Variants in SAMD13 observed in about 807,000 individuals in gnomAD.
SAMD13 encodes the protein sterile alpha motif domain containing 13.
Under a neutral mutation model 12.4 loss-of-function variants are expected in SAMD13, and 9 were observed. The observed-to-expected ratio is 0.72, with a 90% CI of 0.44 to 1.26. The LOEUF (loss-of-function observed/expected upper bound fraction) is 1.26, where lower values mean the gene tolerates loss of function less well. Among genes scored for constraint, SAMD13 ranks in the 50% most tolerant of loss-of-function variants. The pLI, the probability that SAMD13 is intolerant of heterozygous loss-of-function variation, is 0.00. For missense variants in SAMD13, 84 were observed against 119.6 expected, an observed-to-expected ratio of 0.70 and a Z score of 1.39; for synonymous variants, 46 against 45.4, an observed-to-expected ratio of 1.01 and a Z score of -0.05.
At chr1:84,315,383 C>T (rs559174332) in intron 2 of SAMD13, among the ~76,000 whole-genome samples, 5 of 152,104 alleles carry the variant, frequency 3.3e-5, no homozygotes, top group Non-Finnish European at 7.4e-5. Flanking sequence ...ACAATGTTCT[C>T]AAGGTTCATC....
chr1:84,324,785 G>T (rs1233216039), intron 2 of SAMD13, among the ~76,000 whole-genome samples: 1 of 152,208 alleles, frequency 6.6e-6, no homozygotes, highest in South Asian at 2.1e-4. Context: ...GTCATTACCA[G>T]TCTTTCTTTA....
rs897002505 is a variant in SAMD13 at position 84,350,215 on chromosome 1, C to T, written c.*441C>T. The T allele has an allele frequency of 3.9e-5, 6 of 153,580 alleles. No individual in the cohort carries two copies. The highest frequency in any genetic ancestry group is 1.4e-4 in the African/African-American group (6 of 41,478). 9.5% of individuals were successfully genotyped at this position (153,580 alleles called of 1,614,324 possible). ...AAGGGATTGCTGTCTCCCTTGAATTCCTCTGTTCCTTAGAGCTTGTGTTAC... is the reference window on the plus strand; with the variant it reads ...AAGGGATTGCTGTCTCCCTTGAATTTCTCTGTTCCTTAGAGCTTGTGTTAC... On this transcript the variant is annotated 3_prime_UTR_variant, in exon 4 of 4. Transcript: ENST00000394834.
chr1:84,334,312 C>T (rs1412380607), intron 3 of SAMD13, among the ~76,000 whole-genome samples: 1 of 152,076 alleles, frequency 6.6e-6, no homozygotes, highest in Admixed American at 6.6e-5. Context: ...TTATCCATTT[C>T]AACTAGGTTT....
At chr1:84,327,082 C>G (rs1679075662) in intron 3 of SAMD13, among the ~76,000 whole-genome samples, 1 of 152,102 alleles carries the variant, frequency 6.6e-6, no homozygotes, top group Non-Finnish European at 1.5e-5. Context: ...CAGTTTTACT[C>G]CTGGGTATTT....
At chr1:84,319,008 T>C (rs1219460616) in intron 2 of SAMD13, among the ~76,000 whole-genome samples, 3 of 152,196 alleles carry the variant, frequency 2.0e-5, no homozygotes, top group African/African-American at 4.8e-5. Context: ...TTTCAATCAT[T>C]GCCAGCAGAA....
intron 2 of SAMD13, among the ~76,000 whole-genome samples, chr1:84,310,858 T>A (rs1246549): frequency 0.84 from 127,500 of 152,094 alleles, 54,127 homozygotes; most frequent in Non-Finnish European, 0.92. Context: ...TTTATTCATG[T>A]TAGAAAATGT....
At chr1:84,306,060 A>G (rs1678564463) in intron 2 of SAMD13, among the ~76,000 whole-genome samples, 1 of 152,142 alleles carries the variant, frequency 6.6e-6, no homozygotes. Flanking sequence ...TTATATATCA[A>G]TTTGAAGAGA....
chr1:84,299,499 C>G, upstream of SAMD13: 1 of 780,670 alleles, frequency 1.3e-6, no homozygotes, highest in Non-Finnish European at 1.8e-6. Context: ...ACCACATACA[C>G]ACACACCCCC....
intron 3 of SAMD13, chr1:84,345,179 T>C (rs1174846714): frequency 2.2e-6 from 1 of 456,252 alleles, no homozygotes; most frequent in Non-Finnish European, 4.4e-6. Flanking sequence ...AGACAGTAAA[T>C]GGCAAGAGAG....
At chr1:84,319,051 T>G (rs1678889419) in intron 2 of SAMD13, among the ~76,000 whole-genome samples, 1 of 152,186 alleles carries the variant, frequency 6.6e-6, no homozygotes, top group Non-Finnish European at 1.5e-5. Flanking sequence ...CTTTTATACA[T>G]TGTCAGCCCT....
intron 3 of SAMD13, among the ~76,000 whole-genome samples, chr1:84,348,187 A>G (rs1191208147): frequency 6.6e-6 from 1 of 152,176 alleles, no homozygotes; most frequent in Non-Finnish European, 1.5e-5. Context: ...TTCTCACAGA[A>G]TCTTGTCAGA....
At chr1:84,335,146 G>A (rs1679266537) in intron 3 of SAMD13, among the ~76,000 whole-genome samples, 2 of 152,116 alleles carry the variant, frequency 1.3e-5, no homozygotes, top group Non-Finnish European at 2.9e-5. Context: ...GTAGGATGTT[G>A]AAGTCTCCCA....
At chr1:84,316,551 G>A (rs1273463662) in intron 2 of SAMD13, among the ~76,000 whole-genome samples, 1 of 152,016 alleles carries the variant, frequency 6.6e-6, no homozygotes, top group Non-Finnish European at 1.5e-5. Context: ...GTATTTCTGG[G>A]CTCTCTCTTC....
intron 3 of SAMD13, among the ~76,000 whole-genome samples, chr1:84,338,547 C>T (rs947359160): frequency 2.0e-5 from 3 of 151,650 alleles, no homozygotes; most frequent in Middle Eastern, 3.4e-3. Flanking sequence ...AAGTGATTCC[C>T]CTGCCTCAGC....
chr1:84,334,385 A>G (rs1292603290), intron 3 of SAMD13, among the ~76,000 whole-genome samples: 1 of 151,924 alleles, frequency 6.6e-6, no homozygotes, highest in Non-Finnish European at 1.5e-5. Context: ...AAATATTTCT[A>G]TGGGGTTGAT....
chr1:84,350,427 T>G lies in SAMD13; in HGVS notation c.*653T>G, dbSNP rs1046006999. ...ATATCCATCCATATTCAGCTAGCTTTCAAATGGGGTAACGATATTTTCTGC... is the reference window on the plus strand; with the variant it reads ...ATATCCATCCATATTCAGCTAGCTTGCAAATGGGGTAACGATATTTTCTGC... On this transcript the variant is annotated 3_prime_UTR_variant, in exon 4 of 4. Transcript: ENST00000394834. 1 of 152,364 alleles carries G rather than the reference T, an allele frequency of 6.6e-6. No individual in the cohort carries two copies. Among genetic ancestry groups the G allele is most frequent in the African/African-American group, 2.4e-5 (1 of 41,450 alleles). 9.4% of individuals were successfully genotyped at this position (152,364 alleles called of 1,614,324 possible). A position where few individuals can be genotyped will look rare whatever the true frequency, so the allele number is the denominator to read the frequency against.
chr1:84,332,541 G>A (rs1016419837), intron 3 of SAMD13, among the ~76,000 whole-genome samples: 3 of 152,172 alleles, frequency 2.0e-5, no homozygotes, highest in Middle Eastern at 3.4e-3. Flanking sequence ...CTTTTGTGAC[G>A]TGTCTGTTCA....
chr1:84,311,193 A>G (rs924976266), intron 2 of SAMD13, among the ~76,000 whole-genome samples: 3 of 151,964 alleles, frequency 2.0e-5, no homozygotes, highest in Non-Finnish European at 4.4e-5. Context: ...AAAATTATCC[A>G]GGCATGGTAG....
intron 3 of SAMD13, among the ~76,000 whole-genome samples, chr1:84,343,872 T>A (rs1213768685): frequency 6.6e-6 from 1 of 151,922 alleles, no homozygotes; most frequent in Non-Finnish European, 1.5e-5. Flanking sequence ...AAATTTAAAT[T>A]AAAAAAAATT....
Sources: allele counts gnomAD v4.1 joint callset (sites outside exome capture counted in the v4.1 genomes callset), GRCh38; gene constraint gnomAD v4.1.1; transcripts MANE v1.5; gene names NCBI Gene and HGNC (gene_info 2026-07-23, HGNC 2026-07-21).